Variants in TRAF3IP3 observed in about 807,000 individuals in gnomAD.
TRAF3IP3 encodes the protein TRAF3-interacting JNK-activating modulator.
In TRAF3IP3, 64 loss-of-function variants were observed where a neutral mutation model predicts 86.5. The observed-to-expected ratio is 0.74, with a 90% CI of 0.60 to 0.91. TRAF3IP3 has a LOEUF of 0.91. TRAF3IP3 is among the 40% of genes least tolerant of loss of function. The pLI, the probability that TRAF3IP3 is intolerant of heterozygous loss-of-function variation, is 0.00. For missense variants in TRAF3IP3, 579 were observed against 642.9 expected, an observed-to-expected ratio of 0.90 and a Z score of 1.07; for synonymous variants, 220 against 243.9, an observed-to-expected ratio of 0.90 and a Z score of 0.91.
rs928140909 is a variant in TRAF3IP3 at position 209,782,276 on chromosome 1, C to T, written c.*128C>T. 1.7e-5 allele frequency: 12 copies of T among 698,700 alleles called. No individual in the cohort carries two copies. The highest frequency in any genetic ancestry group is 2.5e-5 in the Non-Finnish European group (10 of 396,456). The allele number at this position is 698,700 out of a possible 1,614,324, so 43.3% of individuals were successfully genotyped here. ...AGGATTTCTGACTTTTTATTAATTT[C>T]TTAACCTACTGTAAATAAACTTCAC... On this transcript the variant is annotated 3_prime_UTR_variant, in exon 17 of 17. Coordinates refer to ENST00000367025, the MANE Select transcript of TRAF3IP3 (RefSeq NM_025228.4).
At chr1:209,757,342 C>T (rs1443268541) in intron 1 of TRAF3IP3, among the ~76,000 whole-genome samples, 1 of 152,210 alleles carries the variant, frequency 6.6e-6, no homozygotes, top group Non-Finnish European at 1.5e-5. Flanking sequence ...ACAGCCCTTT[C>T]CTCTTCGCGG....
intron 8 of TRAF3IP3, among the ~76,000 whole-genome samples, chr1:209,769,245 C>CA (rs1558017131): frequency 6.6e-6 from 1 of 151,964 alleles, no homozygotes; most frequent in African/African-American, 2.4e-5. Context: ...TGTGTGGAAC[C>CA]GAAGATGTGA....
At chr1:209,764,614 C>T (rs188583711) in intron 8 of TRAF3IP3, among the ~76,000 whole-genome samples, 6 of 151,820 alleles carry the variant, frequency 4.0e-5, no homozygotes, top group African/African-American at 7.2e-5. Context: ...TGTGGTTGCA[C>T]ATGCCTGTAA....
intron 12 of TRAF3IP3, chr1:209,777,769 A>G: frequency 2.0e-6 from 1 of 506,094 alleles, no homozygotes; most frequent in Non-Finnish European, 3.5e-6. Context: ...CATCAGTCAC[A>G]TATGTCAAGG....
In TRAF3IP3 at chr1:209,781,339, C is replaced by A; in HGVS notation, c.1450-6C>A. 1.9e-6 allele frequency: 3 copies of A among 1,598,994 alleles called. No individual in the cohort carries two copies. The highest frequency in any genetic ancestry group is 2.6e-6 in the Non-Finnish European group (3 of 1,167,304). Reference sequence around the variant, plus strand: ...ACAGTGATGACTTTGGTGATGTTCTCCCCAGTGCAGAGAACTGCATTCAGA... The same window carrying A: ...ACAGTGATGACTTTGGTGATGTTCTACCCAGTGCAGAGAACTGCATTCAGA... On this transcript the variant is annotated splice_polypyrimidine_tract_variant and splice_region_variant and intron_variant, in intron 15 of 16. Transcript: ENST00000367025.
chr1:209,781,642 C>A, intron 16 of TRAF3IP3, 184 bp downstream of exon 16: 1 of 518,970 alleles, frequency 1.9e-6, no homozygotes, highest in Non-Finnish European at 3.5e-6. Context: ...TCCATCAAAG[C>A]CCAACTTTCA....
At chr1:209,766,888 A>G (rs1207303118) in intron 8 of TRAF3IP3, among the ~76,000 whole-genome samples, 1 of 152,202 alleles carries the variant, frequency 6.6e-6, no homozygotes, top group East Asian at 1.9e-4. Flanking sequence ...AAGGAAAGAA[A>G]CCATTTTAGC....
chr1:209,772,508 G>A (rs1239125590), intron 8 of TRAF3IP3, among the ~76,000 whole-genome samples: 1 of 152,170 alleles, frequency 6.6e-6, no homozygotes, highest in Non-Finnish European at 1.5e-5. Context: ...GCAAGGGAGG[G>A]AATAAACATT....
Position 209,765,216 on chromosome 1 carries a change from A to AAG in TRAF3IP3, c.702+1629_702+1630insAG, listed in dbSNP as rs1558012910. Among the ~76,000 whole-genome samples, 43 of 87,142 alleles carry AAG rather than the reference A, an allele frequency of 4.9e-4. 2 individuals are homozygous for AAG. Among genetic ancestry groups the AAG allele is most frequent in the African/African-American group, 1.9e-3 (36 of 19,220 alleles). The allele number at this position is 87,142 out of a possible 152,430, so 57.2% of individuals were successfully genotyped here. A position where few individuals can be genotyped will look rare whatever the true frequency, so the allele number is the denominator to read the frequency against. On this transcript the variant is annotated intron_variant, in intron 8 of 16. Coordinates refer to ENST00000367025, the MANE Select transcript of TRAF3IP3 (RefSeq NM_025228.4). ...GAGAGAGAGAGAGAGAGAGAGAGGGAGAGAGAGAGAGAGGAAGGAAGGAAG... is the reference window on the plus strand; with the variant it reads ...GAGAGAGAGAGAGAGAGAGAGAGGGAAGGAGAGAGAGAGAGGAAGGAAGGAAG...
intron 1 of TRAF3IP3, among the ~76,000 whole-genome samples, chr1:209,758,083 G>A (rs1490855977): frequency 6.6e-6 from 1 of 152,160 alleles, no homozygotes; most frequent in Non-Finnish European, 1.5e-5. Context: ...GTAGGTTCTA[G>A]ACATGGAGTT....
chr1:209,759,992 C>T lies in TRAF3IP3; in HGVS notation c.-48C>T. On this transcript the variant is annotated 5_prime_UTR_variant, in exon 3 of 17. Coordinates refer to ENST00000367025, the MANE Select transcript of TRAF3IP3 (RefSeq NM_025228.4). Reference sequence around the variant, plus strand: ...CTTGGCATTTGGCAGATCCAGGCATCTATTCCAGGAACTGGAAGCCAAGCG... The same window carrying T: ...CTTGGCATTTGGCAGATCCAGGCATTTATTCCAGGAACTGGAAGCCAAGCG... 6.7e-7 allele frequency: 1 copy of T among 1,497,250 alleles called. No homozygotes were observed. Among genetic ancestry groups the T allele is most frequent in the South Asian group, 1.2e-5 (1 of 86,646 alleles). 92.7% of individuals were successfully genotyped at this position (1,497,250 alleles called of 1,614,324 possible).
chr1:209,765,502 C>T (rs2077340747), intron 8 of TRAF3IP3, among the ~76,000 whole-genome samples: 1 of 151,928 alleles, frequency 6.6e-6, no homozygotes, highest in Non-Finnish European at 1.5e-5. Context: ...CTCGTCTCTA[C>T]TAAAAATACA....
intron 8 of TRAF3IP3, among the ~76,000 whole-genome samples, chr1:209,765,982 C>A (rs2077348967): frequency 6.6e-6 from 1 of 152,180 alleles, no homozygotes; most frequent in Non-Finnish European, 1.5e-5. Flanking sequence ...ATATGAGCTA[C>A]AAGCAGCTTG....
intron 11 of TRAF3IP3, 173 bp downstream of exon 11, chr1:209,775,909 T>C: frequency 1.6e-6 from 1 of 614,884 alleles, no homozygotes; most frequent in Non-Finnish European, 2.8e-6. Flanking sequence ...AAATCTAATT[T>C]TGAGTTTAGC....
rs17015185 is a variant in TRAF3IP3 at position 209,781,000 on chromosome 1, T to C, written c.1450-345T>C. On this transcript the variant is annotated intron_variant, in intron 15 of 16. Transcript: ENST00000367025. The stretch of plus-strand genomic sequence containing the variant: ...GAAGTATTGATATGCAACTAGCTCC[T>C]GGGAAAGAAACTTGTACTAAGGTCA... 863 of 192,864 alleles carry C rather than the reference T, an allele frequency of 4.5e-3. 14 individuals are homozygous for C. The highest frequency in any genetic ancestry group is 0.02 in the African/African-American group (834 of 42,626). 11.9% of individuals were successfully genotyped at this position (192,864 alleles called of 1,614,324 possible). A position where few individuals can be genotyped will look rare whatever the true frequency, so the allele number is the denominator to read the frequency against.
intron 12 of TRAF3IP3, chr1:209,777,773 G>A: frequency 3.9e-6 from 2 of 507,176 alleles, no homozygotes. Flanking sequence ...AGTCACATAT[G>A]TCAAGGCCAC....
At position 209,760,054 on chromosome 1, in the gene TRAF3IP3, C is replaced by A; in HGVS notation, c.15C>A (p.Asp5Glu). ...TGGAGGTCATCATGATCAGCCCAGACCCCAGGCCCTCCCCTGGCTTGGCCC... is the reference window on the plus strand; with the variant it reads ...TGGAGGTCATCATGATCAGCCCAGAACCCAGGCCCTCCCCTGGCTTGGCCC... MISP[D>E]PRPSPGLARW... is the part of the protein sequence containing the mutation. The change falls in exon 3 of 17, where the codon GAC becomes GAA. Residue 5 changes from aspartate to glutamate, a missense_variant. Physicochemically the swap from Asp to Glu is conservative, Grantham distance 45. Coordinates refer to ENST00000367025, the MANE Select transcript of TRAF3IP3 (RefSeq NM_025228.4). The A allele has an allele frequency of 6.2e-7, 1 of 1,613,782 alleles. No homozygotes were observed. Among genetic ancestry groups the A allele is most frequent in the Non-Finnish European group, 8.5e-7 (1 of 1,179,742 alleles).
At chr1:209,775,520 G>C in intron 10 of TRAF3IP3, 31 bp downstream of exon 10, 1 of 1,614,104 alleles carries the variant, frequency 6.2e-7, no homozygotes, top group South Asian at 1.1e-5. Context: ...CATGGGGCTG[G>C]GGACTCCAGG....
intron 8 of TRAF3IP3, among the ~76,000 whole-genome samples, chr1:209,769,978 C>T (rs564755169): frequency 6.6e-6 from 1 of 152,284 alleles, no homozygotes; most frequent in African/African-American, 2.4e-5. Flanking sequence ...AGAACAAAAC[C>T]CCTACCTGGG....
Sources: gnomAD v4.1 joint callset for allele counts (sites outside exome capture counted in the v4.1 genomes callset) on GRCh38, gnomAD v4.1.1 for gene constraint, MANE v1.5 for transcripts, NCBI Gene and HGNC (gene_info 2026-07-23, HGNC 2026-07-21) for gene names.